The following SOX6 variants were observed in gnomAD, a reference collection of about 807,000 sequenced individuals.
The protein encoded by SOX6 is transcription factor SOX-6.
A neutral mutation model predicts 97.8 loss-of-function variants in SOX6; 11 were observed. The ratio of observed to expected loss-of-function variants is 0.11; its 90% CI spans 0.07 to 0.19. SOX6 has a LOEUF of 0.19. Among genes scored for constraint, SOX6 ranks in the 10% least tolerant of loss-of-function variants. SOX6 has a pLI of 1.00. For missense variants in SOX6, 810 were observed against 1,039.5 expected (o/e 0.78, Z 3.04); for synonymous variants, 360 against 371.4 (o/e 0.97, Z 0.35).
At chr11:16,541,698 C>G (rs1045385267) in intron 4 of SOX6, among the ~76,000 whole-genome samples, 4 of 152,076 alleles carry the variant, frequency 2.6e-5, no homozygotes, top group African/African-American at 9.7e-5. Context: ...ATGCAGCCAG[C>G]AGACACATGA....
chr11:16,222,561 C>G (rs1852574070), intron 4 of SOX6, among the ~76,000 whole-genome samples: 1 of 152,082 alleles, frequency 6.6e-6, no homozygotes, highest in Admixed American at 6.6e-5. Context: ...TTAGTAAGTA[C>G]TTTTAAATTT....
chr11:16,351,461 T>C (rs1324403144), intron 1 of SOX6, among the ~76,000 whole-genome samples: 1 of 152,078 alleles, frequency 6.6e-6, no homozygotes, highest in Admixed American at 6.6e-5. Context: ...TAGTATCTCC[T>C]CCACCAAATC....
chr11:16,339,659 A>C (rs954012694), intron 2 of SOX6, among the ~76,000 whole-genome samples: 4 of 152,010 alleles, frequency 2.6e-5, no homozygotes, highest in Non-Finnish European at 5.9e-5. Flanking sequence ...CTCCCAGACT[A>C]TAAACTCCAT....
chr11:16,042,308 A>G (rs1855691377), intron 12 of SOX6, among the ~76,000 whole-genome samples: 2 of 152,098 alleles, frequency 1.3e-5, no homozygotes, highest in African/African-American at 4.8e-5. Context: ...GCACCATTCA[A>G]TCCTCTATTT....
intron 1 of SOX6, among the ~76,000 whole-genome samples, chr11:16,341,833 T>C (rs1360039196): frequency 2.0e-5 from 3 of 152,070 alleles, no homozygotes; most frequent in Non-Finnish European, 4.4e-5. Flanking sequence ...GGCCTAACAC[T>C]ACTTAGTGCC....
chr11:16,561,756 C>A (rs942100891), intron 4 of SOX6, among the ~76,000 whole-genome samples: 2 of 152,014 alleles, frequency 1.3e-5, no homozygotes, highest in South Asian at 2.1e-4. Context: ...AATAGATGGT[C>A]TCTCACTCTG....
intron 3 of SOX6, among the ~76,000 whole-genome samples, chr11:16,274,879 T>A (rs1489617194): frequency 6.6e-6 from 1 of 152,116 alleles, no homozygotes; most frequent in Admixed American, 6.6e-5. Context: ...ACCTTATTAT[T>A]ATGTCATTAA....
chr11:16,499,221 C>T (rs747995720), intron 4 of SOX6, among the ~76,000 whole-genome samples: 11 of 152,010 alleles, frequency 7.2e-5, no homozygotes, highest in African/African-American at 4.8e-5. Context: ...GGGTACATAA[C>T]GAAACGAAGG....
At chr11:16,000,291 G>C (rs573967479) in intron 13 of SOX6, among the ~76,000 whole-genome samples, 24 of 152,340 alleles carry the variant, frequency 1.6e-4, no homozygotes, top group African/African-American at 4.1e-4. Context: ...TTAAGGAAGT[G>C]AGGAAGTGAT....
At chr11:16,565,721 T>A (rs1012229146) in intron 4 of SOX6, among the ~76,000 whole-genome samples, 4 of 6,466 alleles carry the variant, frequency 6.2e-4, no homozygotes, top group African/African-American at 2.2e-3. Context: ...AATAAATAAA[T>A]AAAAAAAAAA....
rs527957234 is a variant in SOX6 at position 16,399,346 on chromosome 11, TTTTTATTTTA to T, written c.-4-58104_-4-58095del. On this transcript the variant is annotated intron_variant, in intron 1 of 15. Transcript: ENST00000396356. ...GTAATATTTTTATTGTTTTATATTA[TTTTTATTTTA>T]TTTTATTTTATTTTATTTTAAGAAA... is the stretch of plus-strand genomic sequence containing the variant. Among the ~76,000 whole-genome samples, 187 of 150,088 alleles carry T rather than the reference TTTTTATTTTA, an allele frequency of 1.2e-3. 1 individual carries two copies. The highest frequency in any genetic ancestry group is 6.8e-3 in the Middle Eastern group (2 of 294).
chr11:16,165,867 C>T (rs1414503588), intron 6 of SOX6, among the ~76,000 whole-genome samples: 1 of 149,580 alleles, frequency 6.7e-6, no homozygotes, highest in Non-Finnish European at 1.5e-5. Context: ...CACTGCACTA[C>T]AGCCTGGGCA....
At chr11:16,286,906 A>G (rs1854760266) in intron 3 of SOX6, among the ~76,000 whole-genome samples, 1 of 152,086 alleles carries the variant, frequency 6.6e-6, no homozygotes, top group Admixed American at 6.6e-5. Flanking sequence ...GCTAGATGAT[A>G]GGTCCATAAG....
chr11:16,508,235 C>T (rs1026824524), intron 4 of SOX6, among the ~76,000 whole-genome samples: 8 of 151,680 alleles, frequency 5.3e-5, no homozygotes, highest in Admixed American at 4.6e-4. Flanking sequence ...ACTAAAAAGA[C>T]AAAAAAATAA....
At chr11:16,597,334 G>C (rs199903031) in intron 4 of SOX6, among the ~76,000 whole-genome samples, 1 of 82,972 alleles carries the variant, frequency 1.2e-5, no homozygotes, top group African/African-American at 6.0e-5. Flanking sequence ...ATGTATATGT[G>C]TGTGTGTATA....
At chr11:16,132,444 A>AGAAAAAAGAAAGAAAGAAAG (rs1554934020) in intron 6 of SOX6, among the ~76,000 whole-genome samples, 3 of 27,228 alleles carry the variant, frequency 1.1e-4, no homozygotes, top group Admixed American at 4.2e-4. Context: ...AAAGAAAGAA[A>AGAAAAAAGAAAGAAAGAAAG]AAAGAAAGAA....
At chr11:16,002,343 C>A (rs183659495) in intron 13 of SOX6, among the ~76,000 whole-genome samples, 1 of 152,266 alleles carries the variant, frequency 6.6e-6, no homozygotes, top group East Asian at 1.9e-4. Context: ...CAGTGATATA[C>A]CAGTCTGTAT....
At chr11:16,122,641 A>T (rs1250880887) in intron 6 of SOX6, among the ~76,000 whole-genome samples, 1 of 152,020 alleles carries the variant, frequency 6.6e-6, no homozygotes, top group East Asian at 1.9e-4. Flanking sequence ...TTCCATTATT[A>T]AATTCCTCAT....
intron 4 of SOX6, among the ~76,000 whole-genome samples, chr11:16,553,048 T>G (rs1847707387): frequency 6.6e-6 from 1 of 152,256 alleles, no homozygotes; most frequent in African/African-American, 2.4e-5. Context: ...TGATCATTAA[T>G]GTCAACTAAA....
Sources: allele counts gnomAD v4.1 joint callset (sites outside exome capture counted in the v4.1 genomes callset), GRCh38; gene constraint gnomAD v4.1.1; transcripts MANE v1.5; gene names NCBI Gene and HGNC (gene_info 2026-07-23, HGNC 2026-07-21).